MALRD1: variants seen among roughly 807,000 people sequenced by gnomAD.
MALRD1 encodes MAM and LDL receptor class A domain containing 1, also known as MAM and LDL-receptor class A domain-containing protein 1.
Under a neutral mutation model 242.1 loss-of-function variants are expected in MALRD1, and 247 were observed. The ratio of observed to expected loss-of-function variants is 1.02; its 90% CI spans 0.92 to 1.13. The LOEUF is 1.13. Among genes scored for constraint, MALRD1 ranks in the 50% most tolerant of loss-of-function variants. The pLI is 0.00. For missense variants in MALRD1, 2,989 were observed against 2,533.1 expected, an observed-to-expected ratio of 1.18 and a Z score of -3.86; for synonymous variants, 995 against 866.6, an observed-to-expected ratio of 1.15 and a Z score of -2.60.
chr10:19,495,022 G>A (rs752808431), intron 30 of MALRD1, among the ~76,000 whole-genome samples: 1 of 151,418 alleles, frequency 6.6e-6, no homozygotes, highest in Non-Finnish European at 1.5e-5. Flanking sequence ...TGTCACCCAG[G>A]TTGGAGTGAA....
intron 32 of MALRD1, among the ~76,000 whole-genome samples, chr10:19,555,348 G>T (rs1426151166): frequency 1.3e-5 from 2 of 152,132 alleles, no homozygotes; most frequent in Non-Finnish European, 2.9e-5. Context: ...AAGTAAAGTA[G>T]CGTAGGAGGA....
At chr10:19,329,422 A>AG (rs1554833685) in intron 23 of MALRD1, among the ~76,000 whole-genome samples, 1 of 18,570 alleles carries the variant, frequency 5.4e-5, no homozygotes, top group Non-Finnish European at 1.1e-4. Context: ...ACCCCCCCCC[A>AG]ATTTAAACAA....
chr10:19,333,817 T>C (rs962144965), intron 24 of MALRD1, among the ~76,000 whole-genome samples: 1 of 152,098 alleles, frequency 6.6e-6, no homozygotes, highest in East Asian at 1.9e-4. Flanking sequence ...CTGTTCTTTT[T>C]TGGCTTTTTA....
intron 21 of MALRD1, among the ~76,000 whole-genome samples, chr10:19,305,419 T>G (rs1029106214): frequency 6.6e-6 from 1 of 151,542 alleles, no homozygotes; most frequent in Non-Finnish European, 1.5e-5. Context: ...TCTGTGCATT[T>G]TGATGTAATT....
chr10:19,721,347 A>T (rs923089143), intron 38 of MALRD1, among the ~76,000 whole-genome samples: 9 of 152,180 alleles, frequency 5.9e-5, no homozygotes, highest in Non-Finnish European at 2.9e-5. Flanking sequence ...AGGTAGAAGT[A>T]GGGAGAGGAG....
chr10:19,647,562 G>A (rs999378941), intron 36 of MALRD1, among the ~76,000 whole-genome samples: 28 of 152,140 alleles, frequency 1.8e-4, no homozygotes, highest in African/African-American at 6.8e-4. Context: ...ATTTAGCCAG[G>A]ACAAATTAAG....
At chr10:19,299,714 A>G (rs756202434) in intron 21 of MALRD1, among the ~76,000 whole-genome samples, 8 of 152,098 alleles carry the variant, frequency 5.3e-5, no homozygotes, top group Non-Finnish European at 7.4e-5. Context: ...CACTGAAGGA[A>G]CATACCTCAA....
chr10:19,477,422 A>C (rs1055861648), intron 29 of MALRD1, among the ~76,000 whole-genome samples: 1 of 152,106 alleles, frequency 6.6e-6, no homozygotes, highest in African/African-American at 2.4e-5. Context: ...GTTAGCTCTC[A>C]GTTGAGTGAC....
At chr10:19,487,981 A>T (rs9663367) in intron 29 of MALRD1, among the ~76,000 whole-genome samples, 3 of 151,950 alleles carry the variant, frequency 2.0e-5, no homozygotes, top group Admixed American at 6.5e-5. Context: ...TATTTGTGGA[A>T]GTACTGCCTA....
chr10:19,717,786 A>T (rs1834457047), intron 38 of MALRD1, among the ~76,000 whole-genome samples: 1 of 151,876 alleles, frequency 6.6e-6, no homozygotes, highest in African/African-American at 2.4e-5. Context: ...GTAGGCCAAG[A>T]CTGGTGAAAC....
intron 31 of MALRD1, among the ~76,000 whole-genome samples, chr10:19,504,265 C>T (rs575373447): frequency 2.0e-5 from 3 of 152,252 alleles, no homozygotes; most frequent in African/African-American, 4.8e-5. Context: ...GAAACCCTGG[C>T]GTATGGATCC....
intron 33 of MALRD1, among the ~76,000 whole-genome samples, chr10:19,573,719 G>T (rs1340902341): frequency 2.0e-5 from 3 of 152,080 alleles, no homozygotes; most frequent in African/African-American, 7.2e-5. Flanking sequence ...ACGCAAATGA[G>T]GAATCATTTT....
At chr10:19,549,862 G>T (rs1379007561) in intron 32 of MALRD1, among the ~76,000 whole-genome samples, 1 of 152,150 alleles carries the variant, frequency 6.6e-6, no homozygotes, top group East Asian at 1.9e-4. Flanking sequence ...TTGGAATCTG[G>T]TTCCTAATTC....
In MALRD1 at chr10:19,267,735, T is replaced by C. The variant is rs1840027803; in HGVS notation, c.3079+9964T>C. On this transcript the variant is annotated intron_variant, in intron 19 of 39. Coordinates refer to ENST00000454679, the MANE Select transcript of MALRD1 (RefSeq NM_001142308.3). ...TGTTTTGAAATATGCCTTTCTTTTG[T>C]ATTTTTCTAAAGGAGGTGTAGACTC... 1.3e-5 allele frequency among the ~76,000 whole-genome samples: 2 copies of C among 152,136 alleles called. 1 individual carries two copies. The highest frequency in any genetic ancestry group is 4.1e-4 in the South Asian group (2 of 4,836).
At chr10:19,272,563 C>T (rs1034255967) in intron 19 of MALRD1, among the ~76,000 whole-genome samples, 19 of 152,004 alleles carry the variant, frequency 1.2e-4, no homozygotes, top group Admixed American at 9.2e-4. Context: ...ATGTGTAGAA[C>T]GTGCAGGTTT....
At chr10:19,242,727 TATGAC>T (rs1258822544) in intron 18 of MALRD1, among the ~76,000 whole-genome samples, 3 of 152,090 alleles carry the variant, frequency 2.0e-5, no homozygotes, top group Admixed American at 2.0e-4. Context: ...CCTTTTAAAA[TATGAC>T]ATGACTGTGG....
intron 28 of MALRD1, among the ~76,000 whole-genome samples, chr10:19,395,377 T>C (rs1846530704): frequency 1.3e-5 from 2 of 152,170 alleles, no homozygotes; most frequent in Non-Finnish European, 2.9e-5. Flanking sequence ...ATTGGTTTGT[T>C]CCAGAAAGGT....
At chr10:19,085,510 AG>A (rs1835640156) in intron 2 of MALRD1, among the ~76,000 whole-genome samples, 1 of 152,166 alleles carries the variant, frequency 6.6e-6, no homozygotes, top group South Asian at 2.1e-4. Flanking sequence ...GTTTATTACT[AG>A]AAAAAATGTC....
chr10:19,369,321 AAT>A (rs1253151079), intron 26 of MALRD1, among the ~76,000 whole-genome samples: 1 of 147,132 alleles, frequency 6.8e-6, no homozygotes, highest in Non-Finnish European at 1.5e-5. Flanking sequence ...TACATAATAA[AAT>A]ATATAAATAT....
Sources: allele counts gnomAD v4.1 joint callset (sites outside exome capture counted in the v4.1 genomes callset), GRCh38; gene constraint gnomAD v4.1.1; transcripts MANE v1.5; gene names NCBI Gene and HGNC (gene_info 2026-07-23, HGNC 2026-07-21).